The following ACOXL variants were observed in gnomAD, a reference collection of about 807,000 sequenced individuals.
The protein encoded by ACOXL is acyl-coenzyme A oxidase-like protein.
A neutral mutation model predicts 71.9 loss-of-function variants in ACOXL; 70 were observed. That is an observed-to-expected ratio of 0.97 (90% CI 0.80 to 1.19). The LOEUF (loss-of-function observed/expected upper bound fraction) is 1.19, where lower values mean the gene tolerates loss of function less well. Ranked by LOEUF, ACOXL falls within the 50% of genes most tolerant of loss-of-function variation. The pLI is 0.00. For missense variants in ACOXL, 703 were observed against 736.3 expected, an observed-to-expected ratio of 0.95 and a Z score of 0.52; for synonymous variants, 253 against 281.6, an observed-to-expected ratio of 0.90 and a Z score of 1.02.
chr2:111,100,019 T>G (rs2069035536), intron 17 of ACOXL: 1 of 152,194 alleles, frequency 6.6e-6, no homozygotes, highest in South Asian at 2.1e-4. Flanking sequence ...TACAGTAGCC[T>G]TATTTTGTTC....
intron 17 of ACOXL, among the ~76,000 whole-genome samples, chr2:111,097,572 A>C (rs1269137249): frequency 6.6e-6 from 1 of 152,224 alleles, no homozygotes; most frequent in Non-Finnish European, 1.5e-5. Context: ...CAGTGAATGC[A>C]CAAGATGAGC....
intron 1 of ACOXL, among the ~76,000 whole-genome samples, chr2:110,761,560 T>A (rs1680401999): frequency 6.6e-6 from 1 of 152,236 alleles, no homozygotes; most frequent in Non-Finnish European, 1.5e-5. Flanking sequence ...CTAAATTTTA[T>A]ATGAGCTTAC....
chr2:111,107,308 C>A (rs1409033869), intron 17 of ACOXL, among the ~76,000 whole-genome samples: 1 of 152,146 alleles, frequency 6.6e-6, no homozygotes, highest in African/African-American at 2.4e-5. Flanking sequence ...GAATCCTATG[C>A]TTCCTAGATA....
intron 12 of ACOXL, chr2:110,963,597 G>T (rs1397355546): frequency 7.7e-6 from 10 of 1,296,740 alleles, no homozygotes; most frequent in Non-Finnish European, 9.9e-6. Flanking sequence ...GTGTGTGTGT[G>T]TGTGTGTTTT....
rs1245327042 is a variant in ACOXL, at chr2:111,117,706, G to A, written c.1633G>A (p.Ala545Thr). 3 of 1,551,742 alleles carry A rather than the reference G, an allele frequency of 1.9e-6. No homozygotes were observed. Among genetic ancestry groups the A allele is most frequent in the Middle Eastern group, 1.7e-4 (1 of 5,992 alleles). The change falls in exon 18 of 18, where the codon GCC becomes ACC. Residue 545 changes from alanine to threonine, a missense_variant. Ala to Thr is a moderately conservative substitution (Grantham distance 58, BLOSUM62 0). Coordinates refer to ENST00000439055, the MANE Select transcript of ACOXL (RefSeq NM_001142807.4). ...IPHTYLHAPIAGISNPRAAWA... is the reference protein window; with the variant it reads ...IPHTYLHAPITGISNPRAAWA... The stretch of plus-strand genomic sequence containing the variant: ...ACACACCTACCTCCACGCACCAATC[G>A]CCGGAATCTCCAACCCGCGGGCCGC...
chr2:110,814,518 T>C lies in ACOXL; in HGVS notation c.753+9123T>C, dbSNP rs554775610. 1.5e-3 allele frequency among the ~76,000 whole-genome samples: 221 copies of C among 152,272 alleles called. 1 individual carries two copies. The highest frequency in any genetic ancestry group is 3.7e-3 in the South Asian group (18 of 4,826). Reference sequence around the variant, plus strand: ...AAGCCAAAAAAAGTTTACAATTCCTTAGATAAATTTTAAAAAGTGAACTGG... The same window carrying C: ...AAGCCAAAAAAAGTTTACAATTCCTCAGATAAATTTTAAAAAGTGAACTGG... On this transcript the variant is annotated intron_variant, in intron 9 of 17. Transcript: ENST00000439055.
At chr2:110,905,144 G>T (rs998298688) in intron 10 of ACOXL, among the ~76,000 whole-genome samples, 24 of 152,112 alleles carry the variant, frequency 1.6e-4, no homozygotes, top group African/African-American at 5.1e-4. Flanking sequence ...AAATGCTCAG[G>T]GCATTCCAGG....
intron 13 of ACOXL, among the ~76,000 whole-genome samples, chr2:110,993,993 A>G (rs1235533863): frequency 6.6e-6 from 1 of 152,242 alleles, no homozygotes; most frequent in Non-Finnish European, 1.5e-5. Flanking sequence ...ATTTTTAAAG[A>G]AAGTCTGCAC....
At chr2:110,808,139 G>A (rs1686891153) in intron 9 of ACOXL, among the ~76,000 whole-genome samples, 2 of 152,258 alleles carry the variant, frequency 1.3e-5, no homozygotes, top group Admixed American at 1.3e-4. Context: ...GGAGGGAGTG[G>A]GGGCTTGGGA....
intron 5 of ACOXL, among the ~76,000 whole-genome samples, chr2:110,795,433 T>C (rs547976155): frequency 2.0e-5 from 3 of 152,248 alleles, no homozygotes; most frequent in Non-Finnish European, 1.5e-5. Flanking sequence ...TAGTATTCTA[T>C]GTTTCCCCCC....
intron 17 of ACOXL, among the ~76,000 whole-genome samples, chr2:111,095,506 T>A (rs115654118): frequency 3.4e-5 from 5 of 148,656 alleles, no homozygotes; most frequent in African/African-American, 1.2e-4. Flanking sequence ...ATTCCTTGCC[T>A]CAGCTTCCTG....
chr2:110,890,820 C>T (rs12329097), intron 10 of ACOXL, among the ~76,000 whole-genome samples: 47,358 of 151,854 alleles, frequency 0.31, 7,738 homozygotes, highest in Middle Eastern at 0.38. Context: ...ATGTGAATTT[C>T]GGTACATCTT....
intron 14 of ACOXL, among the ~76,000 whole-genome samples, chr2:111,027,745 T>C (rs946914557): frequency 3.3e-5 from 5 of 152,242 alleles, no homozygotes; most frequent in Non-Finnish European, 5.9e-5. Flanking sequence ...TTCAGGTACA[T>C]TTAAGCTGTT....
intron 14 of ACOXL, among the ~76,000 whole-genome samples, chr2:110,997,789 T>C (rs911619337): frequency 8.5e-5 from 13 of 152,208 alleles, no homozygotes; most frequent in Admixed American, 8.5e-4. Context: ...GCGTGGTGGC[T>C]CATGCCTGCA....
chr2:110,951,822 A>C (rs2061344076), intron 12 of ACOXL, among the ~76,000 whole-genome samples: 1 of 152,190 alleles, frequency 6.6e-6, no homozygotes, highest in East Asian at 1.9e-4. Flanking sequence ...GAGTTTCAGG[A>C]TCTATACAAC....
In ACOXL at chr2:111,117,688, T is replaced by A; in HGVS notation, c.1615T>A (p.Tyr539Asn). The change falls in exon 18 of 18, where the codon TAC becomes AAC. Residue 539 changes from tyrosine to asparagine, a missense_variant. Physicochemically the swap from Tyr to Asn is moderately radical, Grantham distance 143. Transcript: ENST00000439055. ...VISTFNIPHT[Y>N]LHAPIAGISN... ...CTCGACCTTTAACATTCCACACACC[T>A]ACCTCCACGCACCAATCGCCGGAAT... 6.4e-7 allele frequency: 1 copy of A among 1,551,762 alleles called. No homozygotes were observed. The highest frequency in any genetic ancestry group is 8.7e-7 in the Non-Finnish European group (1 of 1,147,004).
chr2:111,001,841 A>T (rs2063649084), intron 14 of ACOXL, among the ~76,000 whole-genome samples: 1 of 152,142 alleles, frequency 6.6e-6, no homozygotes, highest in Non-Finnish European at 1.5e-5. Flanking sequence ...ATGAGGTGAA[A>T]CTTTTGTGGG....
At chr2:110,812,400 A>G (rs912036531) in intron 9 of ACOXL, among the ~76,000 whole-genome samples, 4 of 152,154 alleles carry the variant, frequency 2.6e-5, no homozygotes, top group South Asian at 4.1e-4. Flanking sequence ...TGTACAGATT[A>G]TTTCATCACC....
At chr2:111,028,147 C>G (rs758346742) in intron 14 of ACOXL, among the ~76,000 whole-genome samples, 1 of 151,960 alleles carries the variant, frequency 6.6e-6, no homozygotes, top group Non-Finnish European at 1.5e-5. Context: ...CATGATCATG[C>G]CACTGCAGTC....
Sources: allele counts gnomAD v4.1 joint callset (sites outside exome capture counted in the v4.1 genomes callset), GRCh38; gene constraint gnomAD v4.1.1; transcripts MANE v1.5; gene names NCBI Gene and HGNC (gene_info 2026-07-23, HGNC 2026-07-21).